Variants in COL27A1 observed in about 807,000 individuals in gnomAD.
COL27A1 encodes the protein collagen alpha-1(XXVII) chain.
A neutral mutation model predicts 251.3 loss-of-function variants in COL27A1; 106 were observed. The ratio of observed to expected loss-of-function variants is 0.42; its 90% CI spans 0.36 to 0.50. The LOEUF (loss-of-function observed/expected upper bound fraction) is 0.50, where lower values mean the gene tolerates loss of function less well. Ranked by LOEUF, COL27A1 falls within the 20% of genes least tolerant of loss-of-function variation. The pLI is 0.00. For missense variants in COL27A1, 2,325 were observed against 2,522.8 expected, an observed-to-expected ratio of 0.92 and a Z score of 1.68; for synonymous variants, 1,000 against 986.3, an observed-to-expected ratio of 1.01 and a Z score of -0.26.
intron 22 of COL27A1, 96 bp downstream of exon 22, chr9:114,242,327 C>A: frequency 1.8e-6 from 2 of 1,101,910 alleles, no homozygotes; most frequent in Non-Finnish European, 1.3e-6. Context: ...AGAGGGAAGT[C>A]ATCAGTGAGG....
chr9:114,250,513 C>T (rs768273786), intron 24 of COL27A1, 102 bp from the exon 25 acceptor site: 16 of 1,074,038 alleles, frequency 1.5e-5, no homozygotes, highest in Middle Eastern at 2.4e-4. Flanking sequence ...TGACCAGGCA[C>T]GGGTGGGAGA....
chr9:114,208,684 A>G (rs1431707630), intron 10 of COL27A1, among the ~76,000 whole-genome samples: 1 of 152,112 alleles, frequency 6.6e-6, no homozygotes, highest in African/African-American at 2.4e-5. Flanking sequence ...TTCCCAGGCT[A>G]ATGAGGACGT....
At chr9:114,166,396 CACCCACCCACCT>C (rs1215666348) in intron 2 of COL27A1, among the ~76,000 whole-genome samples, 30 of 149,048 alleles carry the variant, frequency 2.0e-4, no homozygotes, top group East Asian at 4.1e-4. Flanking sequence ...TCCATCCATC[CACCCACCCACCT>C]ATCCATTTAT....
intron 5 of COL27A1, among the ~76,000 whole-genome samples, chr9:114,192,510 T>C (rs1828814812): frequency 6.6e-6 from 1 of 152,166 alleles, no homozygotes; most frequent in East Asian, 1.9e-4. Context: ...GAGTTGGAGT[T>C]CTGGGGACCT....
intron 6 of COL27A1, 84 bp downstream of exon 6, chr9:114,194,541 C>A: frequency 2.4e-6 from 3 of 1,232,242 alleles, no homozygotes; most frequent in Non-Finnish European, 3.5e-6. Context: ...AGCTGTCCTG[C>A]CAGAGGCCAT....
At chr9:114,260,470 A>T (rs1319725632) in intron 28 of COL27A1, among the ~76,000 whole-genome samples, 1 of 152,116 alleles carries the variant, frequency 6.6e-6, no homozygotes, top group Non-Finnish European at 1.5e-5. Flanking sequence ...GCAAGTCCTG[A>T]TCAGCTCCCG....
intron 15 of COL27A1, among the ~76,000 whole-genome samples, chr9:114,231,359 G>A (rs925907020): frequency 9.2e-5 from 14 of 152,190 alleles, no homozygotes; most frequent in African/African-American, 3.4e-4. Flanking sequence ...TCCTCTAGCT[G>A]AGCATGAGTC....
At chr9:114,307,839 G>A in intron 59 of COL27A1, 61 bp downstream of exon 59, 2 of 1,238,202 alleles carry the variant, frequency 1.6e-6, no homozygotes, top group Non-Finnish European at 2.4e-6. Flanking sequence ...GCCTGCCCTG[G>A]GCCACAACCA....
chr9:114,231,624 T>G (rs1831958801), intron 15 of COL27A1, among the ~76,000 whole-genome samples, 198 bp from the exon 16 acceptor site: 1 of 152,216 alleles, frequency 6.6e-6, no homozygotes, highest in Non-Finnish European at 1.5e-5. Flanking sequence ...AGTGCTGTGG[T>G]GCACTGCCTC....
chr9:114,301,125 G>C lies in COL27A1; in HGVS notation c.4755G>C (p.Pro1585=), dbSNP rs199727235. The change falls in exon 52 of 61, where the codon CCG becomes CCC. Residue 1585 remains proline, a splice_region_variant and synonymous_variant. Transcript: ENST00000356083. ...PLGILGPSGL[P]GPKGDKGSRG... is the part of the protein sequence containing the mutation. Reference sequence around the variant, plus strand: ...GAATCCTGGGACCTTCGGGACTCCCGGTATGTGTGGGGATTGGACAGGAAG... The same window carrying C: ...GAATCCTGGGACCTTCGGGACTCCCCGTATGTGTGGGGATTGGACAGGAAG... 3 of 1,613,644 alleles carry C rather than the reference G, an allele frequency of 1.9e-6. No homozygotes were observed. Among genetic ancestry groups the C allele is most frequent in the Admixed American group, 3.3e-5 (2 of 59,966 alleles).
At chr9:114,288,581 G>T in intron 42 of COL27A1, 70 bp downstream of exon 42, 1 of 1,549,908 alleles carries the variant, frequency 6.5e-7, no homozygotes, top group South Asian at 1.2e-5. Context: ...TGCATGGAGA[G>T]GGGTGGGCCG....
intron 55 of COL27A1, among the ~76,000 whole-genome samples, 158 bp downstream of exon 55, chr9:114,301,875 C>G (rs781009117): frequency 6.6e-6 from 1 of 152,172 alleles, no homozygotes; most frequent in African/African-American, 2.4e-5. Context: ...CCCGAACATT[C>G]ACTTTTGCCT....
intron 35 of COL27A1, among the ~76,000 whole-genome samples, chr9:114,269,507 C>CG (rs1327140659): frequency 7.0e-6 from 1 of 143,000 alleles, no homozygotes; most frequent in East Asian, 2.1e-4. Flanking sequence ...CCCAGCTACT[C>CG]GGGGGGCTGA....
chr9:114,310,644 C>T lies in COL27A1; in HGVS notation c.5532C>T (p.Ala1844=). The change falls in exon 61 of 61, where the codon GCC becomes GCT. Residue 1844 remains alanine, a synonymous_variant. Coordinates refer to ENST00000356083, the MANE Select transcript of COL27A1 (RefSeq NM_032888.4). ...TCAGTGTGGACAACCTCCCTCCTGCCTCATCAGGGAAGCAGTACCGCCTGG... is the reference window on the plus strand; with the variant it reads ...TCAGTGTGGACAACCTCCCTCCTGCTTCATCAGGGAAGCAGTACCGCCTGG... ...PIISVDNLPP[A]SSGKQYRLEV... 6.2e-7 allele frequency: 1 copy of T among 1,614,212 alleles called. No individual in the cohort carries two copies. Among genetic ancestry groups the T allele is most frequent in the South Asian group, 1.1e-5 (1 of 91,076 alleles).
intron 45 of COL27A1, 44 bp downstream of exon 45, chr9:114,289,339 G>T: frequency 1.3e-6 from 2 of 1,526,548 alleles, no homozygotes; most frequent in South Asian, 1.2e-5. Context: ...GTCCCAGGAA[G>T]GGGGAAGCCT....
At chr9:114,282,755 C>A (rs1836004446) in intron 39 of COL27A1, among the ~76,000 whole-genome samples, 191 bp downstream of exon 39, 1 of 152,204 alleles carries the variant, frequency 6.6e-6, no homozygotes, top group Non-Finnish European at 1.5e-5. Flanking sequence ...AGCTGCAGCC[C>A]CGCCTCCGGA....
At chr9:114,195,848 T>C in intron 6 of COL27A1, 111 bp from the exon 7 acceptor site, 1 of 890,652 alleles carries the variant, frequency 1.1e-6, no homozygotes, top group Non-Finnish European at 1.9e-6. Flanking sequence ...TCTCTATGAA[T>C]CTCATTTGGA....
intron 13 of COL27A1, among the ~76,000 whole-genome samples, chr9:114,221,657 G>T (rs763337380): frequency 6.6e-6 from 1 of 152,126 alleles, no homozygotes; most frequent in African/African-American, 2.4e-5. Context: ...ACACAGCCTC[G>T]TCTCCTGACT....
chr9:114,178,193 T>G, intron 3 of COL27A1, 98 bp from the exon 4 acceptor site: 1 of 1,011,332 alleles, frequency 9.9e-7, no homozygotes, highest in Non-Finnish European at 1.6e-6. Context: ...GGACTATCCA[T>G]GCCCACAGCT....
Sources: allele counts gnomAD v4.1 joint callset (sites outside exome capture counted in the v4.1 genomes callset), GRCh38; gene constraint gnomAD v4.1.1; transcripts MANE v1.5; gene names NCBI Gene and HGNC (gene_info 2026-07-23, HGNC 2026-07-21).